KCNT1: variants seen among roughly 807,000 people sequenced by gnomAD.
KCNT1 encodes potassium sodium-activated channel subfamily T member 1.
A neutral mutation model predicts 147.8 loss-of-function variants in KCNT1; 78 were observed. The observed-to-expected ratio is 0.53, with a 90% CI of 0.44 to 0.64. The LOEUF (loss-of-function observed/expected upper bound fraction) is 0.64, where lower values mean the gene tolerates loss of function less well. KCNT1 is among the 30% of genes least tolerant of loss of function. The pLI is 0.00. For synonymous variants in KCNT1, 867 were observed against 748.8 expected (o/e 1.16, Z -2.58); for missense variants, 1,419 against 1,750.3 (o/e 0.81, Z 3.38).
chr9:135,784,555 G>A lies in KCNT1; in HGVS notation c.2964G>A (p.Met988Ile). ...LLYQSFVKDY[M>I]ITITRLLLGL... ...GCCAGTCCTTCGTGAAGGACTACAT[G>A]ATCACCATCACCCGGCTGCTGCTGG... The change falls in exon 26 of 31, where the codon ATG (methionine) becomes ATA (isoleucine). Residue 988 changes from methionine (M) to isoleucine (I), a missense_variant. This residue lies in a region of KCNT1 where 247 missense variants were observed against 397.1 expected (regional missense o/e 0.62). Transcript: ENST00000371757. 1 of 1,375,782 alleles carries A rather than the reference G, an allele frequency of 7.3e-7. No individual in the cohort carries two copies. The highest frequency in any genetic ancestry group is 9.6e-7 in the Non-Finnish European group (1 of 1,044,448). 85.2% of individuals were successfully genotyped at this position (1,375,782 alleles called of 1,614,324 possible).
chr9:135,741,151 G>C (rs1830550001), intron 2 of KCNT1, among the ~76,000 whole-genome samples: 1 of 152,234 alleles, frequency 6.6e-6, no homozygotes, highest in African/African-American at 2.4e-5. Context: ...TGGGACATCT[G>C]ACAGGTGGTG....
intron 1 of KCNT1, among the ~76,000 whole-genome samples, chr9:135,704,317 A>ACACCC (rs1835161984): frequency 2.0e-5 from 3 of 151,992 alleles, no homozygotes; most frequent in Admixed American, 2.0e-4. Flanking sequence ...AGGTGCTTGG[A>ACACCC]CACCCCACCC....
chr9:135,775,631 T>C (rs1833111924), intron 20 of KCNT1, among the ~76,000 whole-genome samples: 1 of 152,210 alleles, frequency 6.6e-6, no homozygotes, highest in Non-Finnish European at 1.5e-5. Flanking sequence ...TCTCACAGTG[T>C]CTATGTTAGA....
chr9:135,766,835 C>T (rs1291531485), intron 13 of KCNT1: 4 of 152,236 alleles, frequency 2.6e-5, no homozygotes, highest in African/African-American at 9.7e-5. Context: ...TTGCGAGCTC[C>T]ACCTTCCCCT....
intron 2 of KCNT1, among the ~76,000 whole-genome samples, chr9:135,729,810 C>T (rs966401937): frequency 1.3e-5 from 2 of 152,174 alleles, no homozygotes; most frequent in Middle Eastern, 3.2e-3. Flanking sequence ...TTGGTGTCTG[C>T]GTGTGGCCTC....
chr9:135,759,096 G>A (rs1377019294), intron 10 of KCNT1, among the ~76,000 whole-genome samples: 1 of 152,220 alleles, frequency 6.6e-6, no homozygotes, highest in African/African-American at 2.4e-5. Context: ...CCTCATGACA[G>A]ACTGACAGAC....
intron 9 of KCNT1, among the ~76,000 whole-genome samples, chr9:135,757,653 G>A (rs995568528): frequency 6.6e-5 from 10 of 152,230 alleles, no homozygotes; most frequent in African/African-American, 2.4e-4. Flanking sequence ...GGGACAAAGT[G>A]AAGGGTGTGA....
intron 21 of KCNT1, among the ~76,000 whole-genome samples, chr9:135,777,989 T>TCTC (rs779003401): frequency 3.3e-5 from 5 of 151,002 alleles, no homozygotes; most frequent in Non-Finnish European, 1.5e-5. Context: ...TCCTCCATGC[T>TCTC]CTCAGCTCCT....
chr9:135,750,034 C>T (rs1831058055), intron 2 of KCNT1, 64 bp from the exon 3 acceptor site: 4 of 1,347,082 alleles, frequency 3.0e-6, no homozygotes, highest in East Asian at 2.3e-5. Flanking sequence ...TTGGGGCTCC[C>T]GGCGTGTCCC....
At chr9:135,791,917 CT>C (rs370739095) in intron 30 of KCNT1, 36 bp downstream of exon 30, 90 of 1,611,932 alleles carry the variant, frequency 5.6e-5, no homozygotes, top group African/African-American at 4.7e-4. Flanking sequence ...GAGACCCCCC[CT>C]GAGCACCAGG....
In KCNT1 at chr9:135,752,999, TGGATGGATGGATGGAG is replaced by T. The variant is rs1831273297; in HGVS notation, c.435-922_435-907del. Among the ~76,000 whole-genome samples the T allele has an allele frequency of 1.4e-5, 2 of 139,908 alleles. No homozygotes were observed. The highest frequency in any genetic ancestry group is 7.1e-5 in the Admixed American group (1 of 14,050). The allele number at this position is 139,908 out of a possible 152,430, so 91.8% of individuals were successfully genotyped here. ...ATGAGCAGATGGTTGGAGGGATGAG[TGGATGGATGGATGGAG>T]GGATGGATGGATGGACAGATGAGTA... is the stretch of plus-strand genomic sequence containing the variant. On this transcript the variant is annotated intron_variant, in intron 4 of 30. Transcript: ENST00000371757. The surrounding 1 kb of genome is among the most constrained non-coding windows in gnomAD (Gnocchi z 5.1).
intron 11 of KCNT1, among the ~76,000 whole-genome samples, chr9:135,764,074 G>T (rs1392202789): frequency 6.6e-6 from 1 of 152,164 alleles, no homozygotes; most frequent in Non-Finnish European, 1.5e-5. Context: ...CTGGATAAGT[G>T]CAATGCGATG....
In KCNT1 at chr9:135,733,846, A is replaced by C. The variant is rs149523028; in HGVS notation, c.255-16252A>C. ...ATGTCACCTGGCAGGCACTTTGAGA[A>C]TGTCCAGAATGGGTGTCATAATCCA... On this transcript the variant is annotated intron_variant, in intron 2 of 30. Transcript: ENST00000371757. Among the ~76,000 whole-genome samples, 422 of 149,508 alleles carry C rather than the reference A, an allele frequency of 2.8e-3. 2 individuals carry two copies. The highest frequency in any genetic ancestry group is 8.9e-3 in the African/African-American group (362 of 40,552).
At chr9:135,744,704 G>A (rs1830727966) in intron 2 of KCNT1, among the ~76,000 whole-genome samples, 1 of 152,250 alleles carries the variant, frequency 6.6e-6, no homozygotes, top group Non-Finnish European at 1.5e-5. Context: ...CAGCGCCGCT[G>A]ACGGCTCTCC....
chr9:135,786,636 A>ATCTG (rs962389905), intron 29 of KCNT1, 115 bp downstream of exon 29: 3 of 1,016,016 alleles, frequency 3.0e-6, no homozygotes, highest in African/African-American at 3.4e-5. Context: ...CCTGTCTGTC[A>ATCTG]TCTGTCTGTC....
chr9:135,780,270 A>C (rs1108094), intron 24 of KCNT1, among the ~76,000 whole-genome samples: 18,416 of 152,214 alleles, frequency 0.12, 1,340 homozygotes, highest in South Asian at 0.18. Flanking sequence ...TGTCTGCTCT[A>C]CACGAACCCC....
intron 1 of KCNT1, among the ~76,000 whole-genome samples, chr9:135,708,526 C>T (rs1835348898): frequency 6.6e-6 from 1 of 152,210 alleles, no homozygotes; most frequent in African/African-American, 2.4e-5. Context: ...ACCTCATTCC[C>T]TTAGCCAAAG....
At chr9:135,740,509 G>A (rs117849863) in intron 2 of KCNT1, among the ~76,000 whole-genome samples, 2 of 152,198 alleles carry the variant, frequency 1.3e-5, no homozygotes, top group Admixed American at 1.3e-4. Context: ...GCTCCTTATG[G>A]GCACAAGTCA....
intron 15 of KCNT1, 91 bp downstream of exon 15, chr9:135,769,028 T>C: frequency 4.2e-6 from 4 of 956,398 alleles, no homozygotes; most frequent in Non-Finnish European, 6.3e-6. Context: ...AGGGCGCATG[T>C]GCACATGTGT....
Sources: gnomAD v4.1 joint callset for allele counts (sites outside exome capture counted in the v4.1 genomes callset) on GRCh38, gnomAD v4.1.1 for gene constraint, gnomAD v4.1.1 regional missense constraint, Gnocchi (gnomAD v3.1) non-coding constraint, MANE v1.5 for transcripts, NCBI Gene and HGNC (gene_info 2026-07-23, HGNC 2026-07-21) for gene names.